Variants in CEP112 observed in about 807,000 individuals in gnomAD.
CEP112 encodes the protein centrosomal protein 112, also known as centrosomal protein of 112 kDa.
CEP112 carries 127 observed loss-of-function variants against 153.0 expected under a neutral mutation model. The observed-to-expected ratio is 0.83, with a 90% CI of 0.72 to 0.96. The LOEUF (loss-of-function observed/expected upper bound fraction) is 0.96. CEP112 is among the 40% of genes least tolerant of loss of function. The pLI is 0.00. For missense variants in CEP112, 1,089 were observed against 1,101.2 expected, an observed-to-expected ratio of 0.99 and a Z score of 0.16; for synonymous variants, 358 against 374.4, an observed-to-expected ratio of 0.96 and a Z score of 0.51.
intron 4 of CEP112, among the ~76,000 whole-genome samples, chr17:66,163,009 T>G (rs926567808): frequency 6.6e-6 from 1 of 152,126 alleles, no homozygotes; most frequent in South Asian, 2.1e-4. Context: ...CAAAATAATA[T>G]ATACAGTATG....
At chr17:65,975,878 G>GA (rs1345402162) in intron 17 of CEP112, among the ~76,000 whole-genome samples, 1 of 152,104 alleles carries the variant, frequency 6.6e-6, no homozygotes, top group African/African-American at 2.4e-5. Flanking sequence ...GAAGGAGAGA[G>GA]AAAAAACCCA....
chr17:65,863,366 G>C (rs2058370270), intron 20 of CEP112, among the ~76,000 whole-genome samples: 1 of 152,090 alleles, frequency 6.6e-6, no homozygotes, highest in African/African-American at 2.4e-5. Flanking sequence ...TGGTTAATTT[G>C]TTTCTAACAA....
At chr17:65,842,395 C>G (rs957731329) in intron 21 of CEP112, among the ~76,000 whole-genome samples, 2 of 152,068 alleles carry the variant, frequency 1.3e-5, no homozygotes, top group African/African-American at 2.4e-5. Flanking sequence ...ACTTGCTCTC[C>G]TGGATTGCCA....
chr17:66,053,126 A>G (rs1431656486), intron 12 of CEP112, among the ~76,000 whole-genome samples: 1 of 151,934 alleles, frequency 6.6e-6, no homozygotes, highest in African/African-American at 2.4e-5. Context: ...AAAAAAAAGA[A>G]AAGAGATTAT....
At chr17:66,027,284 T>A (rs2065253478) in intron 16 of CEP112, among the ~76,000 whole-genome samples, 4 of 151,900 alleles carry the variant, frequency 2.6e-5, no homozygotes, top group Admixed American at 1.3e-4. Flanking sequence ...GGCTGAGGCA[T>A]GAGAATCCCT....
intron 24 of CEP112, among the ~76,000 whole-genome samples, chr17:65,676,678 G>A (rs2047250538): frequency 6.6e-6 from 1 of 152,186 alleles, no homozygotes; most frequent in Admixed American, 6.5e-5. Context: ...AAGTTTCAAA[G>A]TGTCTAAAGA....
At chr17:66,190,423 T>C (rs2073120170) in intron 1 of CEP112, among the ~76,000 whole-genome samples, 1 of 152,244 alleles carries the variant, frequency 6.6e-6, no homozygotes, top group Admixed American at 6.5e-5. Flanking sequence ...TTATCAGAAT[T>C]GAAAATTTAA....
chr17:65,713,493 A>C (rs1439876866), intron 23 of CEP112, among the ~76,000 whole-genome samples: 1 of 152,224 alleles, frequency 6.6e-6, no homozygotes, highest in African/African-American at 2.4e-5. Context: ...ACTCTTGTGA[A>C]GGCAAAATTC....
In CEP112 at chr17:65,641,042, A is replaced by G. The variant is rs1367903712; in HGVS notation, c.2721T>C (p.Tyr907=). 1 of 1,606,570 alleles carries G rather than the reference A, an allele frequency of 6.2e-7. No homozygotes were observed. Residue 907 remains tyrosine, a synonymous_variant, in exon 25 of 27, where the codon TAT becomes TAC. Transcript: ENST00000535342. ...GCATCAATCCTTTCAATTTTGTTTC[A>G]TATTCTTGTCGTATGTAAGTTATCT... ...QEQITYIRQE[Y]ETKLKGLMPA... is the part of the protein sequence containing the mutation.
chr17:66,018,832 C>T (rs994843301), intron 16 of CEP112, among the ~76,000 whole-genome samples: 2 of 152,252 alleles, frequency 1.3e-5, no homozygotes, highest in East Asian at 1.9e-4. Flanking sequence ...CATTTTAGAA[C>T]GTAGGTGCTT....
intron 19 of CEP112, among the ~76,000 whole-genome samples, chr17:65,902,551 T>C (rs551999219): frequency 6.6e-6 from 1 of 152,122 alleles, no homozygotes; most frequent in African/African-American, 2.4e-5. Context: ...AAATCCTTCT[T>C]CAATCTGTTG....
intron 18 of CEP112, among the ~76,000 whole-genome samples, chr17:65,937,753 GC>G (rs1461609118): frequency 0.019 from 9 of 470 alleles, 2 homozygotes; most frequent in African/African-American, 0.055. Context: ...GGGGGCGTCA[GC>G]CCCCCAGCCC....
chr17:66,041,916 G>A (rs12601464), intron 12 of CEP112, among the ~76,000 whole-genome samples: 62,533 of 152,078 alleles, frequency 0.41, 14,337 homozygotes, highest in East Asian at 0.87. Flanking sequence ...TCTTAAACAC[G>A]GGCTGCCAAA....
chr17:65,824,193 T>C (rs999557029), intron 21 of CEP112, among the ~76,000 whole-genome samples: 7 of 152,238 alleles, frequency 4.6e-5, no homozygotes, highest in African/African-American at 1.7e-4. Flanking sequence ...TGGATAAGTT[T>C]TGTACTCCCA....
intron 16 of CEP112, among the ~76,000 whole-genome samples, chr17:66,019,717 T>G (rs1031234377): frequency 4.6e-5 from 7 of 152,188 alleles, no homozygotes; most frequent in Non-Finnish European, 7.4e-5. Context: ...CTAGGCCAAT[T>G]GATACCGCAT....
intron 23 of CEP112, among the ~76,000 whole-genome samples, chr17:65,718,370 T>G (rs1042436766): frequency 6.6e-6 from 1 of 150,754 alleles, no homozygotes; most frequent in African/African-American, 2.4e-5. Flanking sequence ...GTTGCACCAT[T>G]GCACTCCAGC....
intron 21 of CEP112, among the ~76,000 whole-genome samples, chr17:65,807,141 G>A (rs1030270111): frequency 3.3e-5 from 5 of 152,158 alleles, no homozygotes; most frequent in African/African-American, 1.2e-4. Context: ...TTCTTGCTAT[G>A]CTTTAGCAAA....
intron 12 of CEP112, among the ~76,000 whole-genome samples, chr17:66,043,780 G>A (rs8080448): frequency 0.17 from 26,237 of 151,992 alleles, 3,494 homozygotes; most frequent in African/African-American, 0.37. Context: ...ACCAAAATGC[G>A]TAAGTCTCAT....
intron 24 of CEP112, among the ~76,000 whole-genome samples, chr17:65,678,589 C>CGCCT (rs1301007817): frequency 2.6e-5 from 4 of 152,194 alleles, no homozygotes; most frequent in African/African-American, 9.6e-5. Context: ...AGCCCCAAGG[C>CGCCT]AGGCAAAGCC....
Sources: allele counts gnomAD v4.1 joint callset (sites outside exome capture counted in the v4.1 genomes callset), GRCh38; gene constraint gnomAD v4.1.1; transcripts MANE v1.5; gene names NCBI Gene and HGNC (gene_info 2026-07-23, HGNC 2026-07-21).